LDLRAD3: variants seen among roughly 807,000 people sequenced by gnomAD.
LDLRAD3 encodes the protein low density lipoprotein receptor class A domain containing 3.
In LDLRAD3, 20 loss-of-function variants were observed where a neutral mutation model predicts 29.4. The ratio of observed to expected loss-of-function variants is 0.68; its 90% confidence interval spans 0.48 to 0.99. The LOEUF (loss-of-function observed/expected upper bound fraction) is 0.99, where lower values mean the gene tolerates loss of function less well. LDLRAD3 is among the 50% of genes least tolerant of loss of function. The pLI, the probability that LDLRAD3 is intolerant of heterozygous loss-of-function variation, is 0.00. For missense variants in LDLRAD3, 420 were observed against 454.3 expected (o/e 0.92, Z 0.69); for synonymous variants, 157 against 192.7 (o/e 0.81, Z 1.53).
At chr11:35,957,532 C>T (rs1171150331) in intron 1 of LDLRAD3, among the ~76,000 whole-genome samples, 1 of 152,118 alleles carries the variant, frequency 6.6e-6, no homozygotes, top group Non-Finnish European at 1.5e-5. Flanking sequence ...TGCGGTGGCT[C>T]ATGCCTGTTA....
chr11:36,200,822 A>C (rs1352757392), intron 4 of LDLRAD3, among the ~76,000 whole-genome samples: 3 of 152,220 alleles, frequency 2.0e-5, no homozygotes, highest in African/African-American at 7.2e-5. Context: ...ATAGATTTAT[A>C]TGTCAGGAAC....
chr11:36,130,303 A>G (rs981132309), intron 4 of LDLRAD3, among the ~76,000 whole-genome samples: 1 of 152,194 alleles, frequency 6.6e-6, no homozygotes, highest in African/African-American at 2.4e-5. Context: ...TTGTGAGGGC[A>G]TAAGGTAAAG....
At chr11:36,112,701 A>T (rs1456411442) in intron 4 of LDLRAD3, among the ~76,000 whole-genome samples, 1 of 152,230 alleles carries the variant, frequency 6.6e-6, no homozygotes, top group Non-Finnish European at 1.5e-5. Flanking sequence ...TCCGTAGGAT[A>T]GGACACAGTC....
At chr11:36,014,579 C>T (rs1161747658) in intron 1 of LDLRAD3, among the ~76,000 whole-genome samples, 10 of 152,174 alleles carry the variant, frequency 6.6e-5, no homozygotes, top group Admixed American at 4.6e-4. Flanking sequence ...GGGGAGGTGG[C>T]AGAAACTTTG....
At chr11:36,022,213 C>G (rs1852106601) in intron 1 of LDLRAD3, among the ~76,000 whole-genome samples, 1 of 152,158 alleles carries the variant, frequency 6.6e-6, no homozygotes, top group South Asian at 2.1e-4. Context: ...ATCACCCTTC[C>G]TCTAATTATT....
chr11:36,211,167 A>G lies in LDLRAD3; in HGVS notation c.455-15918A>G, dbSNP rs140370349. ...ACTGTCTCAACTATGCAACTCTGCC[A>G]TTGTAGCATGAAAGCAGCCATAGAT... On this transcript the variant is annotated intron_variant, in intron 4 of 5. Transcript: ENST00000315571. Among the ~76,000 whole-genome samples, 76 of 152,314 alleles carry G rather than the reference A, an allele frequency of 5.0e-4. 1 individual carries two copies. The Middle Eastern group carries it at 0.01, about 20-fold the overall frequency.
At chr11:35,996,708 T>C (rs959968474) in intron 1 of LDLRAD3, among the ~76,000 whole-genome samples, 2 of 152,200 alleles carry the variant, frequency 1.3e-5, no homozygotes, top group East Asian at 3.8e-4. Flanking sequence ...TGTTCTCACC[T>C]GATTGAGAGG....
intron 4 of LDLRAD3, among the ~76,000 whole-genome samples, chr11:36,136,661 C>T (rs1854008393): frequency 6.6e-6 from 1 of 151,600 alleles, no homozygotes. Context: ...CACCATGCCT[C>T]TTGTAAAGCC....
intron 4 of LDLRAD3, among the ~76,000 whole-genome samples, chr11:36,163,142 A>G (rs1854467161): frequency 6.6e-6 from 1 of 152,276 alleles, no homozygotes; most frequent in African/African-American, 2.4e-5. Flanking sequence ...GCGGATCAGC[A>G]AAAGGTCTGG....
chr11:35,979,588 C>T (rs539146072), intron 1 of LDLRAD3, among the ~76,000 whole-genome samples: 3 of 152,286 alleles, frequency 2.0e-5, no homozygotes, highest in Non-Finnish European at 2.9e-5. Flanking sequence ...GAGCTTTAGA[C>T]GAGCGTTGAG....
chr11:35,955,198 T>C (rs996329215), intron 1 of LDLRAD3, among the ~76,000 whole-genome samples: 1 of 152,112 alleles, frequency 6.6e-6, no homozygotes, highest in African/African-American at 2.4e-5. Context: ...TGAGCTGAGA[T>C]TGCACCACTG....
intron 1 of LDLRAD3, among the ~76,000 whole-genome samples, chr11:36,003,387 C>G (rs146806242): frequency 2.0e-4 from 30 of 152,328 alleles, no homozygotes; most frequent in Non-Finnish European, 3.7e-4. Flanking sequence ...CTCAGCCTTT[C>G]CTGTTGAAGC....
chr11:36,025,774 ATTTTTT>A (rs754006718), intron 1 of LDLRAD3, among the ~76,000 whole-genome samples: 4 of 84,412 alleles, frequency 4.7e-5, no homozygotes, highest in South Asian at 4.2e-4. Context: ...CCTGAATTTG[ATTTTTT>A]TTTTTTTTTT....
intron 4 of LDLRAD3, among the ~76,000 whole-genome samples, chr11:36,214,359 T>C (rs1855324298): frequency 6.6e-6 from 1 of 152,208 alleles, no homozygotes; most frequent in Non-Finnish European, 1.5e-5. Context: ...TTGGCCACTT[T>C]GGGAGAGGAG....
At chr11:35,981,509 C>A (rs1476014118) in intron 1 of LDLRAD3, among the ~76,000 whole-genome samples, 3 of 152,176 alleles carry the variant, frequency 2.0e-5, no homozygotes, top group Non-Finnish European at 4.4e-5. Flanking sequence ...ATGAATATCT[C>A]AGATTCTGAT....
intron 1 of LDLRAD3, among the ~76,000 whole-genome samples, chr11:35,985,683 GAAT>G (rs1316094286): frequency 6.6e-6 from 1 of 152,068 alleles, no homozygotes; most frequent in Non-Finnish European, 1.5e-5. Context: ...TCGTGATAGT[GAAT>G]AATAAGTCTC....
At chr11:36,227,580 G>A (rs1435298516) in intron 5 of LDLRAD3, 150 bp downstream of exon 5, 6 of 570,814 alleles carry the variant, frequency 1.1e-5, no homozygotes, top group Admixed American at 3.8e-5. Context: ...CCGAGTCCTC[G>A]CAAAATTCTC....
chr11:36,098,020 T>C (rs1019399938), intron 3 of LDLRAD3, among the ~76,000 whole-genome samples: 1 of 152,204 alleles, frequency 6.6e-6, no homozygotes, highest in Non-Finnish European at 1.5e-5. Context: ...AACCCAAGAT[T>C]TGATGCATCT....
intron 1 of LDLRAD3, among the ~76,000 whole-genome samples, chr11:35,994,594 T>G (rs1403774634): frequency 1.3e-5 from 2 of 152,178 alleles, no homozygotes; most frequent in East Asian, 3.9e-4. Flanking sequence ...GGCATTTTCT[T>G]AAAATAAGAT....
Sources: gnomAD v4.1 joint callset for allele counts (sites outside exome capture counted in the v4.1 genomes callset) on GRCh38, gnomAD v4.1.1 for gene constraint, MANE v1.5 for transcripts, NCBI Gene and HGNC (gene_info 2026-07-23, HGNC 2026-07-21) for gene names.